L3MBTL3: variants seen among roughly 807,000 people sequenced by gnomAD.
The protein encoded by L3MBTL3 is lethal(3)malignant brain tumor-like protein 3.
Under a neutral mutation model 102.3 loss-of-function variants are expected in L3MBTL3, and 27 were observed. The observed-to-expected ratio is 0.26, with a 90% CI of 0.19 to 0.36. The LOEUF is 0.36. Among genes scored for constraint, L3MBTL3 ranks in the 10% least tolerant of loss-of-function variants. The probability of loss-of-function intolerance (pLI) is 1.00; values close to 1 mark genes in which losing one functional copy is unlikely to be tolerated. For synonymous variants in L3MBTL3, 340 were observed against 320.9 expected, an observed-to-expected ratio of 1.06 and a Z score of -0.64; for missense variants, 798 against 955.3, an observed-to-expected ratio of 0.84 and a Z score of 2.17.
chr6:130,058,846 T>G (rs561962086), intron 9 of L3MBTL3, among the ~76,000 whole-genome samples: 3 of 152,338 alleles, frequency 2.0e-5, no homozygotes, highest in Non-Finnish European at 2.9e-5. Context: ...TTAAATTATT[T>G]CATTATATTT....
intron 18 of L3MBTL3, among the ~76,000 whole-genome samples, chr6:130,102,815 A>T (rs969186603): frequency 2.6e-5 from 4 of 152,180 alleles, no homozygotes; most frequent in African/African-American, 9.7e-5. Context: ...CCGTCATAGC[A>T]TCCTCACACC....
Position 130,066,415 on chromosome 6 carries a change from G to A in L3MBTL3, c.927G>A (p.Val309=). ...DGYSDCYDFW[V]NADALDIHPV... ...ATTCTGATTGCTATGACTTCTGGGT[G>A]AATGCAGACGCTCTGGATATCCACC... The change falls in exon 11 of 23, where the codon GTG becomes GTA. Residue 309 remains valine (V), a synonymous_variant. Coordinates refer to ENST00000361794, the MANE Select transcript of L3MBTL3 (RefSeq NM_032438.4). 3 of 1,612,054 alleles carry A rather than the reference G, an allele frequency of 1.9e-6. No homozygotes were observed. The highest frequency in any genetic ancestry group is 2.2e-5 in the East Asian group (1 of 44,738).
At chr6:130,102,934 C>T (rs979669342) in intron 18 of L3MBTL3, among the ~76,000 whole-genome samples, 4 of 152,176 alleles carry the variant, frequency 2.6e-5, no homozygotes, top group Non-Finnish European at 4.4e-5. Context: ...ATATCAGCTC[C>T]GTGAAACCAG....
At chr6:130,053,508 T>G (rs1781237926) in intron 7 of L3MBTL3, among the ~76,000 whole-genome samples, 1 of 151,804 alleles carries the variant, frequency 6.6e-6, no homozygotes, top group African/African-American at 2.4e-5. Context: ...GGTGGCAGGC[T>G]CCTGTAGTCC....
chr6:130,057,228 A>C (rs558529707), intron 8 of L3MBTL3, among the ~76,000 whole-genome samples, 178 bp from the exon 9 acceptor site: 1 of 152,206 alleles, frequency 6.6e-6, no homozygotes, highest in Non-Finnish European at 1.5e-5. Flanking sequence ...TGCAAACCAC[A>C]GTTCACTTTT....
chr6:130,115,945 T>C (rs1191303793), intron 19 of L3MBTL3, among the ~76,000 whole-genome samples: 1 of 152,216 alleles, frequency 6.6e-6, no homozygotes, highest in Non-Finnish European at 1.5e-5. Flanking sequence ...GCATTTAATC[T>C]TCATGATACC....
At chr6:130,100,674 G>T (rs1784628158) in intron 18 of L3MBTL3, among the ~76,000 whole-genome samples, 1 of 151,790 alleles carries the variant, frequency 6.6e-6, no homozygotes, top group South Asian at 2.1e-4. Context: ...TATTTAAATG[G>T]TAAGTGTCAT....
At chr6:130,056,487 C>T (rs1781519549) in intron 8 of L3MBTL3, among the ~76,000 whole-genome samples, 1 of 152,164 alleles carries the variant, frequency 6.6e-6, no homozygotes, top group African/African-American at 2.4e-5. Flanking sequence ...CTCCTCAGTG[C>T]CGGGGTGCAT....
intron 12 of L3MBTL3, among the ~76,000 whole-genome samples, chr6:130,069,635 A>G (rs1782496615): frequency 6.6e-6 from 1 of 152,168 alleles, no homozygotes. Context: ...CCCAGGGAGG[A>G]AGGTCAGTTG....
chr6:130,111,339 A>G (rs1785334203), intron 19 of L3MBTL3, among the ~76,000 whole-genome samples: 1 of 152,132 alleles, frequency 6.6e-6, no homozygotes, highest in Non-Finnish European at 1.5e-5. Context: ...TGAAACACCA[A>G]TTTCCTTGAA....
At position 130,042,719 on chromosome 6, in the gene L3MBTL3, G is replaced by A; in HGVS notation, c.20G>A (p.Ser7Asn). 6.2e-7 allele frequency: 1 copy of A among 1,613,122 alleles called. No homozygotes were observed. Among genetic ancestry groups the A allele is most frequent in the Non-Finnish European group, 8.5e-7 (1 of 1,179,234 alleles). Residue 7 changes from serine (S) to asparagine (N), a missense_variant, in exon 3 of 23, where the codon AGC (serine) becomes AAC (asparagine). Physicochemically the swap from Ser to Asn is conservative, Grantham distance 46. This residue lies in a region of L3MBTL3 where 434 missense variants were observed against 506.6 expected (regional missense o/e 0.86). Coordinates refer to ENST00000361794, the MANE Select transcript of L3MBTL3 (RefSeq NM_032438.4). MTESAS[S>N]TSGQEFDVFS... ...TAAATCATGACTGAATCTGCCTCTA[G>A]CACAAGTGGTCAAGAGTTTGATGTG...
chr6:130,133,539 T>C lies in L3MBTL3; in HGVS notation c.2054T>C (p.Leu685Ser), dbSNP rs570730202. 3.1e-6 allele frequency: 5 copies of C among 1,614,106 alleles called. 1 individual carries two copies. The Admixed American group carries it at 5.0e-5, about 16-fold the overall frequency. Residue 685 changes from leucine (L) to serine (S), a missense_variant, in exon 21 of 23, where the codon TTG (leucine) becomes TCG (serine). Coordinates refer to ENST00000361794, the MANE Select transcript of L3MBTL3 (RefSeq NM_032438.4). The surrounding 1 kb of genome is among the most constrained non-coding windows in gnomAD (Gnocchi z 4.9). ...AAGTCCCCAATTCCATGTCTGCCCT[T>C]GCGCTGGGAGCAGCAAAGCAAACTT... ...SFKSPIPCLP[L>S]RWEQQSKLLP... is the part of the protein sequence containing the mutation.
At chr6:130,129,124 C>T (rs1414952398) in intron 20 of L3MBTL3, among the ~76,000 whole-genome samples, 1 of 152,144 alleles carries the variant, frequency 6.6e-6, no homozygotes, top group Non-Finnish European at 1.5e-5. Flanking sequence ...TCCTGTCTGA[C>T]TTGTAGGTAG....
At chr6:130,115,039 T>TAAA (rs35706973) in intron 19 of L3MBTL3, among the ~76,000 whole-genome samples, 1 of 143,590 alleles carries the variant, frequency 7.0e-6, no homozygotes, top group Non-Finnish European at 1.5e-5. Flanking sequence ...CTCAGAAACT[T>TAAA]AAAAAAAAAA....
chr6:130,130,074 C>T (rs1786900465), intron 20 of L3MBTL3, among the ~76,000 whole-genome samples: 1 of 152,132 alleles, frequency 6.6e-6, no homozygotes, highest in African/African-American at 2.4e-5. Context: ...GCGAAGGAGG[C>T]AGAGTTGGTA....
intron 2 of L3MBTL3, among the ~76,000 whole-genome samples, chr6:130,024,937 A>C (rs976162127): frequency 3.9e-5 from 6 of 152,310 alleles, no homozygotes; most frequent in African/African-American, 1.4e-4. Context: ...ATGCAGGACC[A>C]TGGCATATCA....
intron 7 of L3MBTL3, among the ~76,000 whole-genome samples, chr6:130,054,501 A>G (rs147086583): frequency 6.6e-6 from 1 of 152,186 alleles, no homozygotes; most frequent in Non-Finnish European, 1.5e-5. Context: ...TGGATTTGGG[A>G]ATCAATGTTA....
chr6:130,061,082 C>CTTTTT (rs146750598), intron 10 of L3MBTL3, among the ~76,000 whole-genome samples: 2 of 114,164 alleles, frequency 1.8e-5, no homozygotes, highest in South Asian at 3.0e-4. Flanking sequence ...TCTGTTAGCT[C>CTTTTT]TTTTTTTTTT....
intron 13 of L3MBTL3, 34 bp downstream of exon 13, chr6:130,071,161 T>G (rs1449877431): frequency 6.3e-7 from 1 of 1,576,666 alleles, no homozygotes; most frequent in African/African-American, 1.4e-5. Flanking sequence ...TTTTAAAAAT[T>G]TAATATTTAT....
Sources: gnomAD v4.1 joint callset for allele counts (sites outside exome capture counted in the v4.1 genomes callset) on GRCh38, gnomAD v4.1.1 for gene constraint, gnomAD v4.1.1 regional missense constraint, Gnocchi (gnomAD v3.1) non-coding constraint, MANE v1.5 for transcripts, NCBI Gene and HGNC (gene_info 2026-07-23, HGNC 2026-07-21) for gene names.